Variants in GAB4 observed in about 807,000 individuals in gnomAD.
GAB4 encodes GRB2-associated-binding protein 4.
Under a neutral mutation model 51.3 loss-of-function variants are expected in GAB4, and 26 were observed. The ratio of observed to expected loss-of-function variants is 0.51; its 90% CI spans 0.37 to 0.70. GAB4 has a LOEUF of 0.70. Among genes scored for constraint, GAB4 ranks in the 30% least tolerant of loss-of-function variants. The probability of loss-of-function intolerance (pLI) is 0.00; values close to 1 mark genes in which losing one functional copy is unlikely to be tolerated. For missense variants in GAB4, 759 were observed against 734.6 expected, an observed-to-expected ratio of 1.03 and a Z score of -0.38; for synonymous variants, 329 against 291.2, an observed-to-expected ratio of 1.13 and a Z score of -1.32.
chr22:16,992,040 A>G lies in GAB4; in HGVS notation c.311T>C (p.Val104Ala), dbSNP rs1306061029. The G allele has an allele frequency of 1.2e-5, 19 of 1,614,180 alleles. No individual in the cohort carries two copies. In the African/African-American group the frequency reaches 1.7e-4, roughly 15 times the overall value. Residue 104 changes from valine to alanine, a missense_variant, in exon 2 of 10, where the codon GTT becomes GCT. By Grantham distance (64) the Val-to-Ala change is moderately conservative. Coordinates refer to ENST00000400588, the MANE Select transcript of GAB4 (RefSeq NM_001037814.1). ...INLNLCEQLD[V>A]DVTLNFNKKE... ...CTTGTTGAAGTTCAGAGTCACATCA[A>G]CATCCAGCTGCTCACAGAGGTTCAG...
intron 3 of GAB4, among the ~76,000 whole-genome samples, chr22:16,974,374 T>C (rs148959302): frequency 1.3e-5 from 2 of 152,326 alleles, no homozygotes; most frequent in African/African-American, 2.4e-5. Flanking sequence ...TACCCCTGCA[T>C]AGCAGATGAG....
At chr22:16,968,908 T>C (rs1204539399) in intron 4 of GAB4, among the ~76,000 whole-genome samples, 2 of 152,218 alleles carry the variant, frequency 1.3e-5, no homozygotes, top group Non-Finnish European at 2.9e-5. Context: ...TTACCACTTA[T>C]GACTTTCAAC....
At chr22:16,975,495 A>C (rs889861915) in intron 3 of GAB4, among the ~76,000 whole-genome samples, 2 of 152,218 alleles carry the variant, frequency 1.3e-5, no homozygotes, top group African/African-American at 4.8e-5. Flanking sequence ...TCTGAAAAAA[A>C]GGCTACAGTC....
At chr22:16,993,524 C>G (rs2060929488) in intron 1 of GAB4, among the ~76,000 whole-genome samples, 1 of 152,150 alleles carries the variant, frequency 6.6e-6, no homozygotes, top group South Asian at 2.1e-4. Flanking sequence ...CTTTCCATGG[C>G]TCTATTATAA....
intron 3 of GAB4, among the ~76,000 whole-genome samples, chr22:16,981,890 G>A (rs1273021853): frequency 1.3e-5 from 2 of 152,142 alleles, no homozygotes; most frequent in Non-Finnish European, 2.9e-5. Context: ...TTTCAGGGAT[G>A]CAAGGAGGGT....
chr22:16,998,867 C>T (rs1027302181), intron 1 of GAB4, among the ~76,000 whole-genome samples: 7 of 152,104 alleles, frequency 4.6e-5, no homozygotes, highest in African/African-American at 1.2e-4. Context: ...TGAATTTTGT[C>T]GAAGGCCTTT....
At chr22:16,984,232 G>A (rs1300029310) in intron 3 of GAB4, among the ~76,000 whole-genome samples, 1 of 152,104 alleles carries the variant, frequency 6.6e-6, no homozygotes, top group Non-Finnish European at 1.5e-5. Flanking sequence ...TTACGAAAAT[G>A]CAAATCAAAA....
intron 3 of GAB4, among the ~76,000 whole-genome samples, chr22:16,970,411 T>C (rs1216938199): frequency 2.6e-5 from 4 of 152,198 alleles, no homozygotes; most frequent in Non-Finnish European, 5.9e-5. Context: ...ATCTGTAAAA[T>C]GGTGATTAAA....
At chr22:16,981,156 T>A (rs1225617533) in intron 3 of GAB4, among the ~76,000 whole-genome samples, 1 of 150,078 alleles carries the variant, frequency 6.7e-6, no homozygotes, top group East Asian at 1.9e-4. Flanking sequence ...TAAAGTATAA[T>A]AAAAATAAAT....
intron 1 of GAB4, among the ~76,000 whole-genome samples, chr22:17,001,847 C>G (rs2061000095): frequency 6.6e-6 from 1 of 152,182 alleles, no homozygotes; most frequent in South Asian, 2.1e-4. Flanking sequence ...TTTACCTACT[C>G]AAGCCTCAGC....
intron 3 of GAB4, among the ~76,000 whole-genome samples, chr22:16,983,652 T>C (rs960677065): frequency 6.6e-6 from 1 of 152,140 alleles, no homozygotes. Flanking sequence ...ATTCATGCAT[T>C]TACAGTCAAC....
Position 16,962,787 on chromosome 22 carries a change from A to G in GAB4, c.1671T>C (p.His557=), listed in dbSNP as rs775667478. 1.2e-6 allele frequency: 2 copies of G among 1,613,610 alleles called. No homozygotes were observed. Among genetic ancestry groups the G allele is most frequent in the Non-Finnish European group, 8.5e-7 (1 of 1,179,914 alleles). ...AGGACTGCCGCAGGCACATCTGTTCATGCATGGTCTTCTGCAGGGCCTGGG... is the reference window on the plus strand; with the variant it reads ...AGGACTGCCGCAGGCACATCTGTTCGTGCATGGTCTTCTGCAGGGCCTGGG... The part of the protein sequence containing the change: ...EKTQALQKTM[H]EQMCLRQSSE... The change falls in exon 10 of 10, where the codon CAT becomes CAC. Residue 557 remains histidine (H), a synonymous_variant. Coordinates refer to ENST00000400588, the MANE Select transcript of GAB4 (RefSeq NM_001037814.1).
At chr22:16,999,824 G>T (rs1209833259) in intron 1 of GAB4, among the ~76,000 whole-genome samples, 1 of 152,166 alleles carries the variant, frequency 6.6e-6, no homozygotes, top group African/African-American at 2.4e-5. Flanking sequence ...GTGTCCCAGA[G>T]CTTCTGGTAT....
chr22:17,001,099 A>T (rs148011508), intron 1 of GAB4, among the ~76,000 whole-genome samples: 2,759 of 152,272 alleles, frequency 0.018, 74 homozygotes, highest in African/African-American at 0.062. Flanking sequence ...ACTTTGGTGA[A>T]TCTGACAATT....
intron 3 of GAB4, among the ~76,000 whole-genome samples, chr22:16,981,926 G>A (rs1409019011): frequency 6.6e-6 from 1 of 152,106 alleles, no homozygotes; most frequent in Non-Finnish European, 1.5e-5. Context: ...AAATGAACAT[G>A]ATACACCACA....
intron 8 of GAB4, 136 bp from the exon 9 acceptor site, chr22:16,963,965 T>C (rs2060650771): frequency 7.6e-6 from 5 of 654,086 alleles, no homozygotes; most frequent in Non-Finnish European, 1.4e-5. Flanking sequence ...TCTCTGCTCA[T>C]TCAAACCCTT....
At chr22:16,974,449 G>A (rs1411670258) in intron 3 of GAB4, among the ~76,000 whole-genome samples, 1 of 152,212 alleles carries the variant, frequency 6.6e-6, no homozygotes, top group African/African-American at 2.4e-5. Context: ...GGTGCTTCCT[G>A]GAGTCAACAA....
chr22:16,963,673 C>G, intron 9 of GAB4, 52 bp downstream of exon 9: 2 of 1,355,760 alleles, frequency 1.5e-6, no homozygotes, highest in South Asian at 2.4e-5. Flanking sequence ...GCCCCACAGT[C>G]TCTCCCCCAG....
chr22:16,963,898 C>T (rs2060650069), intron 8 of GAB4, 69 bp from the exon 9 acceptor site: 3 of 1,244,280 alleles, frequency 2.4e-6, no homozygotes, highest in African/African-American at 1.5e-5. Context: ...GTGGAACACA[C>T]CTGTGGGCGT....
Sources: gnomAD v4.1 joint callset for allele counts (sites outside exome capture counted in the v4.1 genomes callset) on GRCh38, gnomAD v4.1.1 for gene constraint, MANE v1.5 for transcripts, NCBI Gene and HGNC (gene_info 2026-07-23, HGNC 2026-07-21) for gene names.